The following MDGA2 variants were observed in gnomAD, a reference collection of about 807,000 sequenced individuals.
MDGA2 encodes the protein MAM domain-containing glycosylphosphatidylinositol anchor protein 2.
A neutral mutation model predicts 117.8 loss-of-function variants in MDGA2; 40 were observed. The ratio of observed to expected loss-of-function variants is 0.34; its 90% confidence interval spans 0.26 to 0.44. The LOEUF is 0.44. Ranked by LOEUF, MDGA2 falls within the 20% of genes least tolerant of loss-of-function variation. The pLI is 1.00. For missense variants in MDGA2, 1,123 were observed against 1,250.6 expected (o/e 0.90, Z 1.54); for synonymous variants, 452 against 439.0 (o/e 1.03, Z -0.37).
intron 3 of MDGA2, among the ~76,000 whole-genome samples, chr14:47,212,676 T>A (rs1310904155): frequency 6.6e-6 from 1 of 152,212 alleles, no homozygotes; most frequent in Non-Finnish European, 1.5e-5. Context: ...CCTCCTCTCA[T>A]CCACTATATA....
intron 1 of MDGA2, among the ~76,000 whole-genome samples, chr14:47,647,738 GT>G (rs146320552): frequency 0.045 from 6,898 of 152,084 alleles, 144 homozygotes; most frequent in Middle Eastern, 0.068. Context: ...AAATATATGT[GT>G]TTTATAGCTG....
intron 2 of MDGA2, 126 bp downstream of exon 2, chr14:47,301,283 ACC>A: frequency 9.7e-6 from 9 of 928,610 alleles, no homozygotes; most frequent in Non-Finnish European, 1.2e-5. Flanking sequence ...ACACACACAC[ACC>A]CACACCCACC....
chr14:47,542,014 C>T (rs975403617), intron 1 of MDGA2, among the ~76,000 whole-genome samples: 1 of 152,044 alleles, frequency 6.6e-6, no homozygotes, highest in Non-Finnish European at 1.5e-5. Context: ...TTCCTTACTT[C>T]GTCTAACACA....
intron 8 of MDGA2, among the ~76,000 whole-genome samples, chr14:47,000,394 TATATAA>T (rs1887477203): frequency 1.4e-4 from 3 of 20,898 alleles, no homozygotes; most frequent in Non-Finnish European, 4.6e-4. Flanking sequence ...TATATATTTA[TATATAA>T]ATATATATTT....
intron 7 of MDGA2, among the ~76,000 whole-genome samples, chr14:47,055,335 C>T (rs1009688222): frequency 1.3e-5 from 2 of 151,998 alleles, no homozygotes; most frequent in Non-Finnish European, 2.9e-5. Context: ...ATACTTTGGT[C>T]ATTCTTGATT....
intron 1 of MDGA2, among the ~76,000 whole-genome samples, chr14:47,348,631 G>A (rs1417085306): frequency 2.6e-5 from 4 of 152,140 alleles, no homozygotes; most frequent in African/African-American, 9.6e-5. Flanking sequence ...TTGCACATTG[G>A]AGGGATGTGA....
intron 2 of MDGA2, among the ~76,000 whole-genome samples, chr14:47,230,885 C>T (rs1886666956): frequency 6.6e-6 from 1 of 151,914 alleles, no homozygotes; most frequent in South Asian, 2.1e-4. Context: ...ATTAACAGTA[C>T]ACTATTCCTA....
intron 2 of MDGA2, among the ~76,000 whole-genome samples, chr14:47,289,331 A>ACACACACACACG (rs1888798349): frequency 6.6e-6 from 1 of 150,832 alleles, no homozygotes; most frequent in African/African-American, 2.4e-5. Flanking sequence ...ACACACACAC[A>ACACACACACACG]CACACACGCA....
intron 14 of MDGA2, among the ~76,000 whole-genome samples, chr14:46,868,856 A>C (rs945650404): frequency 6.6e-6 from 1 of 151,994 alleles, no homozygotes; most frequent in African/African-American, 2.4e-5. Context: ...GGAGACTGTT[A>C]GGAAGGCAAC....
chr14:47,333,878 G>C (rs1248739580), intron 1 of MDGA2, among the ~76,000 whole-genome samples: 1 of 151,730 alleles, frequency 6.6e-6, no homozygotes, highest in Non-Finnish European at 1.5e-5. Flanking sequence ...ATTTGTAGTA[G>C]TAGTTTTATT....
chr14:47,511,080 C>G (rs912011845), intron 1 of MDGA2, among the ~76,000 whole-genome samples: 1 of 152,172 alleles, frequency 6.6e-6, no homozygotes, highest in Non-Finnish European at 1.5e-5. Flanking sequence ...ACCAACCGAC[C>G]TACACATGTT....
At chr14:47,411,711 A>C (rs1892375811) in intron 1 of MDGA2, among the ~76,000 whole-genome samples, 3 of 152,164 alleles carry the variant, frequency 2.0e-5, no homozygotes, top group Admixed American at 2.0e-4. Context: ...ACCTATGTGT[A>C]AAGCAGGCAG....
At chr14:46,871,896 C>G (rs997346240) in intron 14 of MDGA2, 1 of 394,664 alleles carries the variant, frequency 2.5e-6, no homozygotes, top group African/African-American at 2.0e-5. Context: ...GCCTGTAATC[C>G]CAGCATTTTG....
chr14:47,232,131 GCAGA>G (rs1333603488), intron 2 of MDGA2, among the ~76,000 whole-genome samples: 2 of 152,016 alleles, frequency 1.3e-5, no homozygotes, highest in African/African-American at 4.8e-5. Flanking sequence ...CTCTAAGCTT[GCAGA>G]CAGAGTTTGG....
intron 1 of MDGA2, among the ~76,000 whole-genome samples, chr14:47,566,773 G>A (rs906912551): frequency 3.3e-5 from 5 of 151,894 alleles, no homozygotes; most frequent in African/African-American, 1.2e-4. Context: ...CTTCAGCCCA[G>A]CATCTGTGTC....
At chr14:47,057,650 TCCCCTCCCCTCCTTTCCCC>T (rs2138764601) in intron 7 of MDGA2, among the ~76,000 whole-genome samples, 2 of 125,344 alleles carry the variant, frequency 1.6e-5, no homozygotes, top group South Asian at 6.2e-4. Flanking sequence ...TCCTTTCCCC[TCCCCTCCCCTCCTTTCCCC>T]TCCCTTCTTC....
chr14:47,345,189 G>A (rs913113105), intron 1 of MDGA2, among the ~76,000 whole-genome samples: 4 of 152,022 alleles, frequency 2.6e-5, no homozygotes, highest in African/African-American at 2.4e-5. Context: ...TCAGATGCCA[G>A]GAGTAGTTCT....
At chr14:46,935,262 T>C (rs2138562727) in intron 9 of MDGA2, among the ~76,000 whole-genome samples, 1 of 152,220 alleles carries the variant, frequency 6.6e-6, no homozygotes, top group African/African-American at 2.4e-5. Context: ...AGTGCACCTT[T>C]GTTACAAATC....
intron 1 of MDGA2, among the ~76,000 whole-genome samples, chr14:47,463,522 A>G (rs1384606953): frequency 6.6e-6 from 1 of 152,186 alleles, no homozygotes; most frequent in Non-Finnish European, 1.5e-5. Context: ...AAATAAAGTC[A>G]ATTGGGTTTC....
Sources: allele counts gnomAD v4.1 joint callset (sites outside exome capture counted in the v4.1 genomes callset), GRCh38; gene constraint gnomAD v4.1.1; transcripts MANE v1.5; gene names NCBI Gene and HGNC (gene_info 2026-07-23, HGNC 2026-07-21).